The following POLR2K variants were observed in gnomAD, a reference collection of about 807,000 sequenced individuals.
POLR2K encodes the protein RNA polymerase II, I and III subunit K, also known as DNA-directed RNA polymerases I, II, and III subunit RPABC4.
In POLR2K, 9 loss-of-function variants were observed where a neutral mutation model predicts 10.1. That is an observed-to-expected ratio of 0.89 (90% CI 0.54 to 1.56). The LOEUF is 1.56. POLR2K is among the 40% of genes most tolerant of loss of function. POLR2K has a pLI of 0.00. For missense variants in POLR2K, 53 were observed against 71.9 expected (o/e 0.74, Z 0.95); for synonymous variants, 19 against 20.3 (o/e 0.94, Z 0.17).
intron 3 of POLR2K, 79 bp from the exon 4 acceptor site, chr8:100,153,215 C>G: frequency 1.9e-6 from 2 of 1,026,130 alleles, no homozygotes; most frequent in South Asian, 3.0e-5. Context: ...CAGCTTATTG[C>G]AAAGAGAAAG....
Position 100,151,362 on chromosome 8 carries a change from A to G in POLR2K, c.7A>G (p.Thr3Ala), listed in dbSNP as rs765034665. 18 of 1,609,348 alleles carry G rather than the reference A, an allele frequency of 1.1e-5. No homozygotes were observed. The South Asian group carries it at 2.0e-4, about 18-fold the overall frequency. Reference protein sequence around the residue: MDTQKDVQPPKQQ... With the variant: MDAQKDVQPPKQQ... The stretch of plus-strand genomic sequence containing the variant: ...GTGATTTCAGGGGCTAACAATGGAC[A>G]CCCAGAAGGACGTTCAACCTCCAAA... The change falls in exon 2 of 4, where the codon ACC becomes GCC. Residue 3 changes from threonine (T) to alanine (A), a missense_variant. Transcript: ENST00000353107.
rs576276461 is a variant in POLR2K at position 100,152,622 on chromosome 8, A to G, written c.155-672A>G. Among the ~76,000 whole-genome samples the G allele has an allele frequency of 7.9e-5, 12 of 152,348 alleles. 1 individual carries two copies. The South Asian group carries it at 1.7e-3, about 21-fold the overall frequency. On this transcript the variant is annotated intron_variant, in intron 3 of 3. Coordinates refer to ENST00000353107, the MANE Select transcript of POLR2K (RefSeq NM_005034.4). The stretch of plus-strand genomic sequence containing the variant: ...TAATCCCAGCACTTTGGGAGGCTGC[A>G]GGAGTTCAAGACCAGCCTGGGCAAC...
At position 100,151,804 on chromosome 8, in the gene POLR2K, ATT is replaced by A; in HGVS notation, c.62-10_62-9del. ...TATTTTCCTCTTAGGCATTGAGTAA[ATT>A]TTTTTTTTTAATTCTAGAGTGTCAC... On this transcript the variant is annotated intron_variant, in intron 2 of 3. Coordinates refer to ENST00000353107, the MANE Select transcript of POLR2K (RefSeq NM_005034.4). 8.6e-6 allele frequency: 9 copies of A among 1,042,178 alleles called. No individual in the cohort carries two copies. Among genetic ancestry groups the A allele is most frequent in the Admixed American group, 4.9e-5 (2 of 41,120 alleles). 64.6% of individuals were successfully genotyped at this position (1,042,178 alleles called of 1,614,324 possible).
intron 2 of POLR2K, 65 bp downstream of exon 2, chr8:100,151,481 ATTCTT>A: frequency 9.5e-7 from 1 of 1,053,506 alleles, no homozygotes; most frequent in Non-Finnish European, 1.5e-6. Context: ...TGTTACATTT[ATTCTT>A]TGCTTAAATG....
At position 100,151,821 on chromosome 8, in the gene POLR2K, T is replaced by A. The variant is rs1196106368; in HGVS notation, c.62-3T>A. The A allele has an allele frequency of 1.4e-6, 2 of 1,432,062 alleles. No homozygotes were observed. The highest frequency in any genetic ancestry group is 2.4e-5 in the South Asian group (2 of 81,966). 88.7% of individuals were successfully genotyped at this position (1,432,062 alleles called of 1,614,324 possible). A position where few individuals can be genotyped will look rare whatever the true frequency, so the allele number is the denominator to read the frequency against. On this transcript the variant is annotated splice_region_variant and splice_polypyrimidine_tract_variant and intron_variant, in intron 2 of 3. Transcript: ENST00000353107. ...TTGAGTAAATTTTTTTTTTTAATTCTAGAGTGTCACACAGAAAATGAAATA... is the reference window on the plus strand; with the variant it reads ...TTGAGTAAATTTTTTTTTTTAATTCAAGAGTGTCACACAGAAAATGAAATA...
intron 1 of POLR2K, 148 bp from the exon 2 acceptor site, chr8:100,151,199 G>A: frequency 1.5e-6 from 1 of 659,300 alleles, no homozygotes; most frequent in Non-Finnish European, 2.8e-6. Context: ...GTGTGTATGC[G>A]TTTCGTCCTT....
rs1320947359 is a variant in POLR2K at position 100,150,719 on chromosome 8, T to C, written c.-10+10T>C. The C allele has an allele frequency of 2.0e-5, 3 of 152,646 alleles. No individual in the cohort carries two copies. Among genetic ancestry groups the C allele is most frequent in the Non-Finnish European group, 4.4e-5 (3 of 68,362 alleles). 9.5% of individuals were successfully genotyped at this position (152,646 alleles called of 1,614,324 possible). On this transcript the variant is annotated intron_variant, in intron 1 of 3. Transcript: ENST00000353107. ...TTTCCGTGCTGTGTAGGTAAGCGAA[T>C]TGGCGGGTTGGGGTTTGTGGTGGAT...
At position 100,150,839 on chromosome 8, in the gene POLR2K, T is replaced by G. The variant is rs75962142; in HGVS notation, c.-10+130T>G. 197 of 157,946 alleles carry G rather than the reference T, an allele frequency of 1.2e-3. 1 individual carries two copies. The highest frequency in any genetic ancestry group is 4.3e-3 in the African/African-American group (179 of 41,650). The allele number at this position is 157,946 out of a possible 1,614,324, so 9.8% of individuals were successfully genotyped here. A position where few individuals can be genotyped will look rare whatever the true frequency, so the allele number is the denominator to read the frequency against. On this transcript the variant is annotated intron_variant, in intron 1 of 3. Coordinates refer to ENST00000353107, the MANE Select transcript of POLR2K (RefSeq NM_005034.4). ...GGGGATACGGTCCATGCTATCGCTC[T>G]TTTCCCTATTTTCTTTTAGTTTAGA...
In POLR2K at chr8:100,153,580, G is replaced by C; in HGVS notation, c.*264G>C. 1 of 325,600 alleles carries C rather than the reference G, an allele frequency of 3.1e-6. No individual in the cohort carries two copies. Among genetic ancestry groups the C allele is most frequent in the Non-Finnish European group, 5.5e-6 (1 of 181,360 alleles). 20.2% of individuals were successfully genotyped at this position (325,600 alleles called of 1,614,324 possible). ...ATTAATAATAATGTAATAGAACAAT[G>C]ATAACATACTATAATAAAAGTTATG... On this transcript the variant is annotated 3_prime_UTR_variant, in exon 4 of 4. Coordinates refer to ENST00000353107, the MANE Select transcript of POLR2K (RefSeq NM_005034.4).
chr8:100,151,459 T>C, intron 2 of POLR2K, 43 bp downstream of exon 2: 2 of 1,260,448 alleles, frequency 1.6e-6, no homozygotes. Flanking sequence ...TTTATTTAAG[T>C]TTTTTTGAAA....
Position 100,153,349 on chromosome 8 carries a change from T to C in POLR2K, c.*33T>C, listed in dbSNP as rs572281991. On this transcript the variant is annotated 3_prime_UTR_variant, in exon 4 of 4. Transcript: ENST00000353107. The stretch of plus-strand genomic sequence containing the variant: ...GAATTCAGAGGAATGTCTTCACTTA[T>C]ACTTGGATTTGCTCTCTTCCCATTT... 11 of 1,588,444 alleles carry C rather than the reference T, an allele frequency of 6.9e-6. No homozygotes were observed. The highest frequency in any genetic ancestry group is 4.4e-5 in the South Asian group (4 of 90,062).
Position 100,153,605 on chromosome 8 carries a change from G to A in POLR2K, c.*289G>A. 1 of 281,334 alleles carries A rather than the reference G, an allele frequency of 3.6e-6. No homozygotes were observed. The highest frequency in any genetic ancestry group is 6.5e-6 in the Non-Finnish European group (1 of 152,844). 17.4% of individuals were successfully genotyped at this position (281,334 alleles called of 1,614,324 possible). On this transcript the variant is annotated 3_prime_UTR_variant, in exon 4 of 4. Coordinates refer to ENST00000353107, the MANE Select transcript of POLR2K (RefSeq NM_005034.4). ...GATAACATACTATAATAAAAGTTAT[G>A]TGAATGTGGTTGGTCTCTCTTGCTT...
At chr8:100,153,269 T>C in intron 3 of POLR2K, 25 bp from the exon 4 acceptor site, 1 of 1,586,160 alleles carries the variant, frequency 6.3e-7, no homozygotes, top group Non-Finnish European at 8.6e-7. Context: ...AGTACCGTTT[T>C]TGTCCTTAAC....
At chr8:100,151,571 G>A (rs560633363) in intron 2 of POLR2K, 155 bp downstream of exon 2, 7 of 625,698 alleles carry the variant, frequency 1.1e-5, no homozygotes, top group Non-Finnish European at 2.0e-5. Context: ...CAGTAGACCT[G>A]GGTTCGTCCT....
Position 100,153,363 on chromosome 8 carries a change from C to T in POLR2K, c.*47C>T, listed in dbSNP as rs367643676. The T allele has an allele frequency of 6.5e-7, 1 of 1,549,372 alleles. No homozygotes were observed. Among genetic ancestry groups the T allele is most frequent in the Admixed American group, 1.7e-5 (1 of 59,098 alleles). On this transcript the variant is annotated 3_prime_UTR_variant, in exon 4 of 4. Coordinates refer to ENST00000353107, the MANE Select transcript of POLR2K (RefSeq NM_005034.4). ...GTCTTCACTTATACTTGGATTTGCT[C>T]TCTTCCCATTTCTGATTGTTGTATA...
rs1224836400 is a variant in POLR2K at position 100,153,386 on chromosome 8, A to G, written c.*70A>G. 7.9e-6 allele frequency: 11 copies of G among 1,398,168 alleles called. No individual in the cohort carries two copies. The Admixed American group carries it at 8.8e-5, about 11-fold the overall frequency. 86.6% of individuals were successfully genotyped at this position (1,398,168 alleles called of 1,614,324 possible). A position where few individuals can be genotyped will look rare whatever the true frequency, so the allele number is the denominator to read the frequency against. On this transcript the variant is annotated 3_prime_UTR_variant, in exon 4 of 4. Coordinates refer to ENST00000353107, the MANE Select transcript of POLR2K (RefSeq NM_005034.4). ...CTCTCTTCCCATTTCTGATTGTTGT[A>G]TAGCTTTCGATTTTGCTTACAGTAG...
At chr8:100,152,037 A>T in intron 3 of POLR2K, 121 bp downstream of exon 3, 1 of 669,404 alleles carries the variant, frequency 1.5e-6, no homozygotes. Flanking sequence ...TAAAAAACAA[A>T]CATGATTAGC....
intron 3 of POLR2K, 116 bp from the exon 4 acceptor site, chr8:100,153,178 T>C (rs1379616796): frequency 1.4e-6 from 1 of 718,680 alleles, no homozygotes; most frequent in African/African-American, 1.8e-5. Context: ...TTCCATTCTT[T>C]TTTGCATTTT....
intron 2 of POLR2K, 41 bp from the exon 3 acceptor site, chr8:100,151,783 T>C: frequency 1.1e-6 from 1 of 888,752 alleles, no homozygotes; most frequent in African/African-American, 1.7e-5. Context: ...CTGTAATATT[T>C]TCCTCTTAGG....
Sources: allele counts gnomAD v4.1 joint callset (sites outside exome capture counted in the v4.1 genomes callset), GRCh38; gene constraint gnomAD v4.1.1; transcripts MANE v1.5; gene names NCBI Gene and HGNC (gene_info 2026-07-23, HGNC 2026-07-21).